Variants in NEMP1 observed in about 807,000 individuals in gnomAD.
NEMP1 encodes the protein nuclear envelope integral membrane protein 1, also known as transmembrane protein 194.
NEMP1 carries 29 observed loss-of-function variants against 53.7 expected under a neutral mutation model. That is an observed-to-expected ratio of 0.54 (90% confidence interval 0.40 to 0.74). The LOEUF is 0.74. NEMP1 is among the 30% of genes least tolerant of loss of function. The pLI, the probability that NEMP1 is intolerant of heterozygous loss-of-function variation, is 0.00. For missense variants in NEMP1, 477 were observed against 528.6 expected (o/e 0.90, Z 0.96); for synonymous variants, 193 against 192.9 (o/e 1.00, Z 0.00).
chr12:57,076,511 A>G (rs2032628156), intron 1 of NEMP1, among the ~76,000 whole-genome samples: 1 of 152,112 alleles, frequency 6.6e-6, no homozygotes, highest in Non-Finnish European at 1.5e-5. Flanking sequence ...TAAAAATACA[A>G]AATTAGCTGA....
At chr12:57,069,177 A>G (rs1440426349) in intron 4 of NEMP1, 57 bp downstream of exon 4, 1 of 1,262,746 alleles carries the variant, frequency 7.9e-7, no homozygotes, top group Non-Finnish European at 1.1e-6. Context: ...GTTACTATAA[A>G]ACGCAGGCAG....
intron 1 of NEMP1, among the ~76,000 whole-genome samples, chr12:57,086,146 G>A (rs548733902): frequency 7.9e-5 from 12 of 152,294 alleles, no homozygotes; most frequent in African/African-American, 2.6e-4. Flanking sequence ...CAGTGGAGAC[G>A]TTGGGGGAGG....
chr12:57,073,764 G>A (rs963932865), intron 1 of NEMP1, among the ~76,000 whole-genome samples: 3 of 152,278 alleles, frequency 2.0e-5, no homozygotes, highest in African/African-American at 7.2e-5. Flanking sequence ...AGGAACTGAT[G>A]TTTAAGAAAG....
chr12:57,088,308 T>A (rs1026465603), upstream of NEMP1, among the ~76,000 whole-genome samples: 1 of 152,218 alleles, frequency 6.6e-6, no homozygotes, highest in African/African-American at 2.4e-5. Flanking sequence ...TCCCAAACTT[T>A]CCAGGCTAGC....
chr12:57,072,356 C>T (rs2032393321), intron 2 of NEMP1, among the ~76,000 whole-genome samples: 4 of 152,276 alleles, frequency 2.6e-5, no homozygotes, highest in Admixed American at 2.6e-4. Context: ...AGGAGAATCG[C>T]TTGAACCCGG....
Position 57,060,688 on chromosome 12 carries a change from A to T in NEMP1, c.1154+84T>A, listed in dbSNP as rs1285989987. The T allele has an allele frequency of 4.3e-6, 6 of 1,411,078 alleles. No individual in the cohort carries two copies. In the African/African-American group the frequency reaches 8.6e-5, roughly 20 times the overall value. 87.4% of individuals were successfully genotyped at this position (1,411,078 alleles called of 1,614,324 possible). A position where few individuals can be genotyped will look rare whatever the true frequency, so the allele number is the denominator to read the frequency against. ...ACAGGAAAACAAAGGTCACAAGTGC[A>T]CGATTCTCTAGAAGTATGATCTCTG... On this transcript the variant is annotated intron_variant, in intron 8 of 8. Coordinates refer to ENST00000300128, the MANE Select transcript of NEMP1 (RefSeq NM_001130963.2).
intron 4 of NEMP1, among the ~76,000 whole-genome samples, chr12:57,066,737 C>T (rs1194079296): frequency 1.3e-5 from 2 of 152,164 alleles, no homozygotes; most frequent in African/African-American, 2.4e-5. Context: ...ATTGTAGCTC[C>T]CATCATTCCC....
chr12:57,084,028 T>C (rs1186135572), intron 1 of NEMP1, among the ~76,000 whole-genome samples: 1 of 152,038 alleles, frequency 6.6e-6, no homozygotes, highest in South Asian at 2.1e-4. Flanking sequence ...GATGGCGCGA[T>C]CTCGGCTCAC....
chr12:57,063,075 C>T, intron 7 of NEMP1, 44 bp downstream of exon 7: 1 of 1,496,580 alleles, frequency 6.7e-7, no homozygotes, highest in Non-Finnish European at 9.3e-7. Flanking sequence ...AACTGCATCC[C>T]ACAATGTACC....
chr12:57,064,749 A>T lies in NEMP1; in HGVS notation c.546-10T>A. ...GTAGAAAATTTGACTTCTGCAGGAA[A>T]AAAATGTATTTCATGACCATATGTA... On this transcript the variant is annotated splice_polypyrimidine_tract_variant and intron_variant, in intron 4 of 8. Transcript: ENST00000300128. 1 of 1,600,832 alleles carries T rather than the reference A, an allele frequency of 6.2e-7. No individual in the cohort carries two copies. Among genetic ancestry groups the T allele is most frequent in the Non-Finnish European group, 8.5e-7 (1 of 1,169,612 alleles).
chr12:57,078,818 C>T (rs2032756394), upstream of NEMP1: 10 of 1,514,226 alleles, frequency 6.6e-6, no homozygotes, highest in East Asian at 1.9e-4. Flanking sequence ...CGACAGCAGC[C>T]TATCCTCTAC....
upstream of NEMP1, among the ~76,000 whole-genome samples, chr12:57,080,720 A>C (rs1041384231): frequency 2.6e-5 from 4 of 151,680 alleles, no homozygotes; most frequent in Non-Finnish European, 5.9e-5. Context: ...GCAAAACCCT[A>C]TCTCTAATAA....
intron 5 of NEMP1, 136 bp downstream of exon 5, chr12:57,064,510 T>A: frequency 1.7e-6 from 1 of 597,452 alleles, no homozygotes; most frequent in Middle Eastern, 2.7e-4. Flanking sequence ...GGAAAGTACC[T>A]TTCTGAATCA....
At chr12:57,087,638 C>A (rs1051761997) in intron 1 of NEMP1, among the ~76,000 whole-genome samples, 2 of 152,182 alleles carry the variant, frequency 1.3e-5, no homozygotes, top group African/African-American at 4.8e-5. Flanking sequence ...CTCCCACCAA[C>A]AACGCGCTCC....
chr12:57,066,707 C>G (rs2032094896), intron 4 of NEMP1, among the ~76,000 whole-genome samples: 1 of 152,044 alleles, frequency 6.6e-6, no homozygotes, highest in Admixed American at 6.5e-5. Flanking sequence ...GGCTGTGTCC[C>G]CACCCAAATC....
At chr12:57,088,046 G>T (rs963583813) in exon 1 of NEMP1, 1 of 152,364 alleles carries the variant, frequency 6.6e-6, no homozygotes, top group African/African-American at 2.4e-5. Context: ...CAGCTCCGCC[G>T]CAGGAAGTCA....
Position 57,057,653 on chromosome 12 carries a change from T to C in NEMP1, c.*2226A>G, listed in dbSNP as rs1014527921. The C allele has an allele frequency of 2.6e-5, 4 of 152,114 alleles. No homozygotes were observed. The highest frequency in any genetic ancestry group is 4.8e-5 in the African/African-American group (2 of 41,404). 9.4% of individuals were successfully genotyped at this position (152,114 alleles called of 1,614,324 possible). A position where few individuals can be genotyped will look rare whatever the true frequency, so the allele number is the denominator to read the frequency against. Reference sequence around the variant, plus strand: ...ACAGCTCAGGTCTCCAACTACCAGATAGGGAGTAAAAAACAGTTTGATTTT... The same window carrying C: ...ACAGCTCAGGTCTCCAACTACCAGACAGGGAGTAAAAAACAGTTTGATTTT... On this transcript the variant is annotated 3_prime_UTR_variant, in exon 9 of 9. Coordinates refer to ENST00000300128, the MANE Select transcript of NEMP1 (RefSeq NM_001130963.2).
chr12:57,081,902 G>A (rs529095023), upstream of NEMP1, among the ~76,000 whole-genome samples: 14 of 139,790 alleles, frequency 1.0e-4, no homozygotes, highest in African/African-American at 8.1e-5. Context: ...GCAAGACTCC[G>A]TCTCAAAAAA....
At chr12:57,077,089 T>C (rs1250761664) in intron 1 of NEMP1, among the ~76,000 whole-genome samples, 1 of 152,118 alleles carries the variant, frequency 6.6e-6, no homozygotes, top group Non-Finnish European at 1.5e-5. Context: ...TCCCAGCACT[T>C]TGGGAGGCCG....
Sources: gnomAD v4.1 joint callset for allele counts (sites outside exome capture counted in the v4.1 genomes callset) on GRCh38, gnomAD v4.1.1 for gene constraint, MANE v1.5 for transcripts, NCBI Gene and HGNC (gene_info 2026-07-23, HGNC 2026-07-21) for gene names.